DIAPH1: variants seen among roughly 807,000 people sequenced by gnomAD.
DIAPH1 encodes protein diaphanous homolog 1.
In DIAPH1, 46 loss-of-function variants were observed where a neutral mutation model predicts 140.7. The ratio of observed to expected loss-of-function variants is 0.33; its 90% CI spans 0.26 to 0.42. The LOEUF (loss-of-function observed/expected upper bound fraction) is 0.42, where lower values mean the gene tolerates loss of function less well. Among genes scored for constraint, DIAPH1 ranks in the 10% least tolerant of loss-of-function variants. The pLI is 1.00. For synonymous variants in DIAPH1, 565 were observed against 551.6 expected, an observed-to-expected ratio of 1.02 and a Z score of -0.34; for missense variants, 1,310 against 1,558.7, an observed-to-expected ratio of 0.84 and a Z score of 2.69.
chr5:141,577,903 T>C (rs530425262), intron 11 of DIAPH1: 1 of 504,536 alleles, frequency 2.0e-6, no homozygotes, highest in Non-Finnish European at 3.6e-6. Context: ...GTAACTAAAT[T>C]ACTCCCTCTG....
chr5:141,534,288 A>G (rs1465547271), intron 19 of DIAPH1, 47 bp downstream of exon 19: 2 of 1,445,662 alleles, frequency 1.4e-6, no homozygotes, highest in East Asian at 2.3e-5. Context: ...AAAATTCTTA[A>G]AAGAATTCCT....
intron 23 of DIAPH1, 120 bp downstream of exon 23, chr5:141,528,333 T>A (rs2099887702): frequency 6.9e-7 from 1 of 1,446,228 alleles, no homozygotes; most frequent in East Asian, 2.3e-5. Context: ...CATGCCTAAA[T>A]CCTATCTCAT....
chr5:141,528,792 GA>G lies in DIAPH1; in HGVS notation c.2927del (p.Leu976ProfsTer2). ...TTCCAACAAGCAAGGTAATCTCTAG[GA>G]GATTGGAAAAGCTCTCACTCTTACG... ...ELRKSESFSN[L>X]LEITLLVGNY... On this transcript the variant is annotated frameshift_variant, in exon 22 of 28. Transcript: ENST00000389054. LOFTEE classifies it high-confidence loss of function. 6.2e-7 allele frequency: 1 copy of G among 1,614,212 alleles called. No homozygotes were observed.
intron 18 of DIAPH1, among the ~76,000 whole-genome samples, chr5:141,550,144 A>AT (rs1426890212): frequency 6.6e-6 from 1 of 152,158 alleles, no homozygotes; most frequent in Non-Finnish European, 1.5e-5. Flanking sequence ...TTCTATACTG[A>AT]TTAAAAAAAA....
rs1262298958 is a variant in DIAPH1 at position 141,548,370 on chromosome 5, G to C, written c.2483-13937C>G. Among the ~76,000 whole-genome samples the C allele has an allele frequency of 4.6e-5, 7 of 151,072 alleles. 1 individual carries two copies. Among genetic ancestry groups the C allele is most frequent in the Non-Finnish European group, 5.9e-5 (4 of 67,908 alleles). On this transcript the variant is annotated intron_variant, in intron 18 of 27. Transcript: ENST00000389054. ...AACACAATTCATTAGCAGCAGACCT[G>C]AACTAATATAGTAAAGGGAGTATTT...
chr5:141,610,633 C>G (rs1320636145), intron 1 of DIAPH1, among the ~76,000 whole-genome samples: 1 of 151,804 alleles, frequency 6.6e-6, no homozygotes. Flanking sequence ...TGGGGTTTCA[C>G]CACATTGGAC....
chr5:141,590,071 C>A (rs2099898170), intron 1 of DIAPH1, among the ~76,000 whole-genome samples: 5 of 152,088 alleles, frequency 3.3e-5, no homozygotes, highest in Admixed American at 3.3e-4. Flanking sequence ...TCTTGAATAA[C>A]CTTCCCCAAC....
chr5:141,528,329 TA>T, intron 23 of DIAPH1, 123 bp downstream of exon 23: 1 of 1,427,952 alleles, frequency 7.0e-7, no homozygotes, highest in Non-Finnish European at 9.7e-7. Flanking sequence ...GCACCATGCC[TA>T]AATCCTATCT....
chr5:141,562,929 A>G (rs2099893815), intron 18 of DIAPH1: 1 of 152,236 alleles, frequency 6.6e-6, no homozygotes, highest in Non-Finnish European at 1.5e-5. Flanking sequence ...CTTGCTAGAT[A>G]TCCCATTTCT....
intron 1 of DIAPH1, among the ~76,000 whole-genome samples, chr5:141,617,298 AG>A (rs769220536): frequency 4.0e-5 from 6 of 151,396 alleles, no homozygotes; most frequent in African/African-American, 9.7e-5. Flanking sequence ...TTATATTTCT[AG>A]GGGGGGAAAA....
intron 1 of DIAPH1, among the ~76,000 whole-genome samples, chr5:141,600,030 G>C (rs1226240289): frequency 3.9e-5 from 6 of 152,106 alleles, no homozygotes; most frequent in Non-Finnish European, 7.4e-5. Context: ...GCCTGGCTCA[G>C]GCACAACTGA....
At chr5:141,577,439 T>C (rs1171415860) in intron 12 of DIAPH1, 36 bp downstream of exon 12, 1 of 1,416,490 alleles carries the variant, frequency 7.1e-7, no homozygotes, top group African/African-American at 1.4e-5. Context: ...CCACTTAGGC[T>C]CAAATTCAAA....
intron 7 of DIAPH1, among the ~76,000 whole-genome samples, chr5:141,581,639 T>C (rs1192632490): frequency 3.3e-5 from 5 of 152,004 alleles, no homozygotes; most frequent in Admixed American, 3.3e-4. Flanking sequence ...GTTGAATTAC[T>C]AAACAGACAA....
At chr5:141,595,384 T>C (rs532692795) in intron 1 of DIAPH1, among the ~76,000 whole-genome samples, 6 of 152,280 alleles carry the variant, frequency 3.9e-5, no homozygotes, top group African/African-American at 1.4e-4. Context: ...GTGGGGGATG[T>C]TGACAATGGG....
At chr5:141,580,450 TA>T (rs3214265) in intron 8 of DIAPH1, among the ~76,000 whole-genome samples, 47 of 147,160 alleles carry the variant, frequency 3.2e-4, no homozygotes, top group Middle Eastern at 3.5e-3. Flanking sequence ...ACTTCTGAAT[TA>T]AAAAAAAAAA....
In DIAPH1 at chr5:141,544,096, G is replaced by T. The variant is rs187328343; in HGVS notation, c.2483-9663C>A. ...GAGGCTGAGGCAGACAGATCACAAG[G>T]TCAGGAGATCGAGACCATCCTGGCT... On this transcript the variant is annotated intron_variant, in intron 18 of 27. Transcript: ENST00000389054. Among the ~76,000 whole-genome samples the T allele has an allele frequency of 1.8e-3, 269 of 152,122 alleles. 2 individuals are homozygous for T. The highest frequency in any genetic ancestry group is 4.2e-3 in the Admixed American group (64 of 15,274).
chr5:141,618,756 G>A (rs896809508), intron 1 of DIAPH1, 42 bp downstream of exon 1: 1 of 1,426,976 alleles, frequency 7.0e-7, no homozygotes, highest in South Asian at 1.2e-5. Flanking sequence ...TCCAGAGGGC[G>A]GTTACGGGGC....
intron 18 of DIAPH1, among the ~76,000 whole-genome samples, chr5:141,550,890 C>T (rs560453278): frequency 4.6e-5 from 7 of 152,272 alleles, no homozygotes; most frequent in East Asian, 3.9e-4. Flanking sequence ...GCATGTAACA[C>T]GAATAGTCTT....
intron 18 of DIAPH1, among the ~76,000 whole-genome samples, chr5:141,559,488 G>C (rs968719538): frequency 1.3e-5 from 2 of 152,146 alleles, no homozygotes; most frequent in Non-Finnish European, 2.9e-5. Flanking sequence ...CAAGAACAAA[G>C]CCACACAGAA....
Sources: allele counts gnomAD v4.1 joint callset (sites outside exome capture counted in the v4.1 genomes callset), GRCh38; gene constraint gnomAD v4.1.1; transcripts MANE v1.5; gene names NCBI Gene and HGNC (gene_info 2026-07-23, HGNC 2026-07-21).